RBFOX1: variants seen among roughly 807,000 people sequenced by gnomAD.
The protein encoded by RBFOX1 is RNA binding protein fox-1 homolog 1.
A neutral mutation model predicts 57.7 loss-of-function variants in RBFOX1; 8 were observed. That is an observed-to-expected ratio of 0.14 (90% CI 0.08 to 0.25). RBFOX1 has a LOEUF of 0.25. Ranked by LOEUF, RBFOX1 falls within the 10% of genes least tolerant of loss-of-function variation. The pLI is 1.00. For missense variants in RBFOX1, 611 were observed against 548.5 expected (o/e 1.11, Z -1.14); for synonymous variants, 326 against 222.4 (o/e 1.47, Z -4.15).
At chr16:6,737,878 G>A (rs967975373) in intron 3 of RBFOX1, among the ~76,000 whole-genome samples, 1 of 151,980 alleles carries the variant, frequency 6.6e-6, no homozygotes, top group African/African-American at 2.4e-5. Flanking sequence ...TAATATTTTC[G>A]AGATGGGGGA....
chr16:7,406,109 G>A (rs1191750910), intron 4 of RBFOX1, among the ~76,000 whole-genome samples: 1 of 152,134 alleles, frequency 6.6e-6, no homozygotes, highest in Non-Finnish European at 1.5e-5. Flanking sequence ...AGGCTTTCTT[G>A]GCAAGATACC....
chr16:6,242,629 A>AACAC (rs57154832), intron 1 of RBFOX1, among the ~76,000 whole-genome samples: 52,808 of 141,094 alleles, frequency 0.37, 10,388 homozygotes, highest in East Asian at 0.63. Flanking sequence ...ATTTATTGCA[A>AACAC]ACACACACAC....
chr16:6,585,338 T>G (rs1341940064), intron 2 of RBFOX1, among the ~76,000 whole-genome samples: 1 of 152,214 alleles, frequency 6.6e-6, no homozygotes, highest in East Asian at 1.9e-4. Flanking sequence ...ATTTATGGTG[T>G]GAGGAAGTGC....
chr16:7,398,636 A>G (rs1267062634), intron 4 of RBFOX1, among the ~76,000 whole-genome samples: 1 of 152,214 alleles, frequency 6.6e-6, no homozygotes, highest in African/African-American at 2.4e-5. Flanking sequence ...TTCTCTCAGG[A>G]GACTGCCAGA....
At chr16:7,184,676 AC>A (rs34995541) in intron 4 of RBFOX1, among the ~76,000 whole-genome samples, 43,845 of 151,938 alleles carry the variant, frequency 0.29, 7,774 homozygotes, top group African/African-American at 0.49. Flanking sequence ...ACAGTTACAA[AC>A]CCCCAAACCT....
chr16:7,220,827 C>A (rs1360872009), intron 4 of RBFOX1, among the ~76,000 whole-genome samples: 1 of 152,074 alleles, frequency 6.6e-6, no homozygotes, highest in East Asian at 1.9e-4. Context: ...CCATGGGATT[C>A]TCTTGATCTC....
chr16:6,002,161 G>C (rs1205277328), intron 4 of RBFOX1, among the ~76,000 whole-genome samples: 1 of 152,016 alleles, frequency 6.6e-6, no homozygotes, highest in African/African-American at 2.4e-5. Flanking sequence ...TTTTTTTATA[G>C]AGACTAGGTC....
chr16:7,188,882 G>A (rs1281705359), intron 4 of RBFOX1, among the ~76,000 whole-genome samples: 3 of 152,108 alleles, frequency 2.0e-5, no homozygotes, highest in African/African-American at 7.2e-5. Flanking sequence ...AAGGTTTAAG[G>A]AACAGAGGAT....
At chr16:5,344,034 G>C (rs2065089256) in intron 1 of RBFOX1, among the ~76,000 whole-genome samples, 1 of 152,190 alleles carries the variant, frequency 6.6e-6, no homozygotes, top group Non-Finnish European at 1.5e-5. Context: ...ATGCTTCTCT[G>C]TGCTGGGATG....
intron 2 of RBFOX1, among the ~76,000 whole-genome samples, chr16:6,601,445 C>A (rs952208605): frequency 6.6e-6 from 1 of 152,086 alleles, no homozygotes; most frequent in Non-Finnish European, 1.5e-5. Flanking sequence ...CGGTGTTTGT[C>A]ATTTACCTCT....
chr16:5,510,767 A>G (rs938919647), intron 2 of RBFOX1, among the ~76,000 whole-genome samples: 7 of 152,172 alleles, frequency 4.6e-5, no homozygotes, highest in Admixed American at 6.5e-5. Flanking sequence ...CTTGGGCCAC[A>G]TAATTCAGTG....
intron 2 of RBFOX1, among the ~76,000 whole-genome samples, chr16:6,557,285 T>A (rs2153897187): frequency 6.6e-6 from 1 of 151,724 alleles, no homozygotes; most frequent in African/African-American, 2.4e-5. Context: ...AATTAAGATT[T>A]AAAAGAGGAT....
chr16:6,649,974 G>A (rs925011139), intron 2 of RBFOX1, among the ~76,000 whole-genome samples: 31 of 152,064 alleles, frequency 2.0e-4, no homozygotes, highest in African/African-American at 7.2e-4. Context: ...TATAAAAGTG[G>A]GGTATTCAGT....
intron 2 of RBFOX1, among the ~76,000 whole-genome samples, chr16:6,409,520 G>C (rs536325375): frequency 1.3e-5 from 2 of 152,160 alleles, no homozygotes; most frequent in Admixed American, 1.3e-4. Flanking sequence ...TTAATTACAT[G>C]AGTCTGTTCA....
intron 1 of RBFOX1, among the ~76,000 whole-genome samples, chr16:6,029,841 A>C (rs563154604): frequency 7.9e-5 from 12 of 152,216 alleles, no homozygotes; most frequent in African/African-American, 2.9e-4. Flanking sequence ...AAGAACCAAG[A>C]ACTTCTGGTA....
At chr16:6,570,594 T>C (rs553292655) in intron 2 of RBFOX1, among the ~76,000 whole-genome samples, 1 of 152,222 alleles carries the variant, frequency 6.6e-6, no homozygotes, top group Non-Finnish European at 1.5e-5. Context: ...TTTTATTGTT[T>C]ATCTGTATCT....
intron 4 of RBFOX1, among the ~76,000 whole-genome samples, chr16:7,263,691 T>C (rs1378401545): frequency 6.6e-6 from 1 of 150,966 alleles, no homozygotes; most frequent in Non-Finnish European, 1.5e-5. Context: ...AGGTCAGGAG[T>C]TCGAGACCAG....
chr16:7,420,888 TATATATATACACAC>T (rs1275696124), intron 4 of RBFOX1, among the ~76,000 whole-genome samples: 2 of 147,548 alleles, frequency 1.4e-5, no homozygotes, highest in Non-Finnish European at 3.0e-5. Context: ...TTAAAATATA[TATATATATACACAC>T]ATATATATAC....
At chr16:7,322,834 G>A (rs2096563377) in intron 4 of RBFOX1, among the ~76,000 whole-genome samples, 1 of 152,100 alleles carries the variant, frequency 6.6e-6, no homozygotes, top group South Asian at 2.1e-4. Flanking sequence ...TCCTCCTCCT[G>A]CGTTCCTTCC....
Sources: allele counts gnomAD v4.1 joint callset (sites outside exome capture counted in the v4.1 genomes callset), GRCh38; gene constraint gnomAD v4.1.1; transcripts MANE v1.5; gene names NCBI Gene and HGNC (gene_info 2026-07-23, HGNC 2026-07-21).